CTNNA3: variants seen among roughly 807,000 people sequenced by gnomAD.
CTNNA3 encodes the protein catenin alpha-3.
A neutral mutation model predicts 95.7 loss-of-function variants in CTNNA3; 76 were observed. The observed-to-expected ratio is 0.79, with a 90% confidence interval of 0.66 to 0.96. CTNNA3 has a LOEUF of 0.96. CTNNA3 is among the 40% of genes least tolerant of loss of function. The pLI, the probability that CTNNA3 is intolerant of heterozygous loss-of-function variation, is 0.00. For synonymous variants in CTNNA3, 431 were observed against 374.4 expected, an observed-to-expected ratio of 1.15 and a Z score of -1.74; for missense variants, 1,191 against 1,089.8, an observed-to-expected ratio of 1.09 and a Z score of -1.31.
At chr10:66,390,270 C>T (rs1313563907) in intron 11 of CTNNA3, among the ~76,000 whole-genome samples, 1 of 152,082 alleles carries the variant, frequency 6.6e-6, no homozygotes, top group Non-Finnish European at 1.5e-5. Context: ...TGAAGTGGGA[C>T]TTTGAATACA....
At chr10:66,703,910 C>T (rs1010546614) in intron 9 of CTNNA3, among the ~76,000 whole-genome samples, 3 of 152,190 alleles carry the variant, frequency 2.0e-5, no homozygotes, top group Admixed American at 2.0e-4. Context: ...TCCACTACTA[C>T]ATGACCAGAA....
intron 5 of CTNNA3, among the ~76,000 whole-genome samples, chr10:67,476,953 C>T (rs1848037176): frequency 6.6e-6 from 1 of 151,898 alleles, no homozygotes; most frequent in Admixed American, 6.6e-5. Flanking sequence ...GCCGCCTCAG[C>T]CTTGCTGTGC....
chr10:67,093,657 C>T (rs1857797206), intron 7 of CTNNA3, among the ~76,000 whole-genome samples: 1 of 151,670 alleles, frequency 6.6e-6, no homozygotes, highest in African/African-American at 2.4e-5. Flanking sequence ...ACCCTCCCAA[C>T]AAAACTGAAA....
intron 7 of CTNNA3, among the ~76,000 whole-genome samples, chr10:66,829,718 A>C (rs543818408): frequency 6.7e-6 from 1 of 149,390 alleles, no homozygotes; most frequent in African/African-American, 2.5e-5. Context: ...GACTAGTGCA[A>C]TTTCATGAAC....
At chr10:66,059,922 A>G (rs868490651) in intron 15 of CTNNA3, among the ~76,000 whole-genome samples, 2 of 152,036 alleles carry the variant, frequency 1.3e-5, no homozygotes, top group Admixed American at 6.6e-5. Context: ...GGTATTTTCA[A>G]TTTTATTACT....
chr10:66,584,484 T>C (rs1006920936), intron 10 of CTNNA3, among the ~76,000 whole-genome samples: 2 of 151,974 alleles, frequency 1.3e-5, no homozygotes, highest in African/African-American at 4.8e-5. Context: ...ATTTTATTTG[T>C]TTTAAGAATA....
chr10:67,059,336 G>A (rs959481878), intron 7 of CTNNA3, among the ~76,000 whole-genome samples: 1 of 152,064 alleles, frequency 6.6e-6, no homozygotes, highest in Admixed American at 6.6e-5. Context: ...TTTCAGCAGA[G>A]AAAAAGCAAA....
chr10:66,106,678 C>T lies in CTNNA3; in HGVS notation c.1885-3429G>A, dbSNP rs145000585. On this transcript the variant is annotated intron_variant, in intron 13 of 17. Transcript: ENST00000433211. ...AGTTTATTTCTGTTTGTTGCTTTTC[C>T]TCTTCTTTCTCCACTACCTTATACC... Among the ~76,000 whole-genome samples the T allele has an allele frequency of 2.9e-3, 438 of 152,190 alleles. 5 individuals carry two copies. The highest frequency in any genetic ancestry group is 9.5e-3 in the African/African-American group (395 of 41,538).
intron 5 of CTNNA3, among the ~76,000 whole-genome samples, chr10:67,510,255 C>A (rs1322684317): frequency 6.6e-6 from 1 of 152,246 alleles, no homozygotes; most frequent in Admixed American, 6.5e-5. Flanking sequence ...GTAATGAAGT[C>A]TTTGCCCATG....
intron 7 of CTNNA3, among the ~76,000 whole-genome samples, chr10:67,008,498 A>AT (rs1202852732): frequency 6.6e-5 from 10 of 151,272 alleles, no homozygotes; most frequent in Non-Finnish European, 1.2e-4. Context: ...TGGCTATTCA[A>AT]TTTTTTTTTA....
intron 5 of CTNNA3, among the ~76,000 whole-genome samples, chr10:67,342,199 T>A (rs1330120223): frequency 1.4e-5 from 2 of 146,866 alleles, no homozygotes; most frequent in Non-Finnish European, 3.0e-5. Flanking sequence ...CCTCCCGGGT[T>A]CATGCCATTC....
intron 9 of CTNNA3, among the ~76,000 whole-genome samples, chr10:66,676,106 A>AAAACACAC (rs1846843731): frequency 7.2e-6 from 1 of 138,862 alleles, no homozygotes; most frequent in Admixed American, 8.4e-5. Context: ...TAAAACCTTT[A>AAAACACAC]AAACACACAC....
intron 9 of CTNNA3, among the ~76,000 whole-genome samples, chr10:66,745,964 A>T (rs1838852701): frequency 6.6e-6 from 1 of 152,108 alleles, no homozygotes; most frequent in Non-Finnish European, 1.5e-5. Flanking sequence ...AATATTATCC[A>T]TGATAAGGCA....
intron 14 of CTNNA3, among the ~76,000 whole-genome samples, chr10:66,072,853 C>T (rs2080469954): frequency 6.6e-6 from 1 of 152,076 alleles, no homozygotes; most frequent in Non-Finnish European, 1.5e-5. Context: ...TTCTTTTTTA[C>T]ATTGGGAAAT....
intron 7 of CTNNA3, among the ~76,000 whole-genome samples, chr10:67,139,564 C>A (rs1014960755): frequency 6.6e-6 from 1 of 151,956 alleles, no homozygotes; most frequent in Non-Finnish European, 1.5e-5. Context: ...AGGTGACCAC[C>A]ACCACACCCA....
At chr10:66,768,892 G>A (rs547480023) in intron 8 of CTNNA3, among the ~76,000 whole-genome samples, 4 of 152,300 alleles carry the variant, frequency 2.6e-5, no homozygotes, top group African/African-American at 9.6e-5. Flanking sequence ...AACTTGGTAA[G>A]AGCAGTTTCA....
At chr10:66,559,957 C>G (rs535501555) in intron 10 of CTNNA3, among the ~76,000 whole-genome samples, 105 of 152,150 alleles carry the variant, frequency 6.9e-4, no homozygotes, top group Non-Finnish European at 1.3e-3. Flanking sequence ...TCATTGTATC[C>G]TAGTGCTTAA....
intron 13 of CTNNA3, among the ~76,000 whole-genome samples, chr10:66,148,317 C>T (rs1386599134): frequency 6.6e-6 from 1 of 151,906 alleles, no homozygotes; most frequent in Non-Finnish European, 1.5e-5. Context: ...AAAAATCTCA[C>T]CACAAAAATG....
At chr10:66,848,092 A>T (rs1843345659) in intron 7 of CTNNA3, among the ~76,000 whole-genome samples, 1 of 152,138 alleles carries the variant, frequency 6.6e-6, no homozygotes, top group African/African-American at 2.4e-5. Context: ...AATGAGAGAA[A>T]CAGCAGCGGA....
Sources: allele counts gnomAD v4.1 joint callset (sites outside exome capture counted in the v4.1 genomes callset), GRCh38; gene constraint gnomAD v4.1.1; transcripts MANE v1.5; gene names NCBI Gene and HGNC (gene_info 2026-07-23, HGNC 2026-07-21).